TMEM132B: variants seen among roughly 807,000 people sequenced by gnomAD.
TMEM132B encodes the protein transmembrane protein 132B.
A neutral mutation model predicts 90.8 loss-of-function variants in TMEM132B; 18 were observed. The ratio of observed to expected loss-of-function variants is 0.20; its 90% confidence interval spans 0.14 to 0.29. The LOEUF (loss-of-function observed/expected upper bound fraction) is 0.29, where lower values mean the gene tolerates loss of function less well. Among genes scored for constraint, TMEM132B ranks in the 10% least tolerant of loss-of-function variants. TMEM132B has a pLI of 1.00. For missense variants in TMEM132B, 1,096 were observed against 1,326.8 expected, an observed-to-expected ratio of 0.83 and a Z score of 2.70; for synonymous variants, 504 against 523.3, an observed-to-expected ratio of 0.96 and a Z score of 0.50.
chr12:125,302,677 T>C (rs1396993689), intron 1 of TMEM132B, among the ~76,000 whole-genome samples: 2 of 152,230 alleles, frequency 1.3e-5, no homozygotes, highest in Admixed American at 1.3e-4. Context: ...TTTTGTAATA[T>C]ACATAAAATT....
intron 1 of TMEM132B, among the ~76,000 whole-genome samples, chr12:125,268,877 C>T (rs1874756698): frequency 6.6e-6 from 1 of 152,172 alleles, no homozygotes; most frequent in Non-Finnish European, 1.5e-5. Flanking sequence ...CAGCTGGGGG[C>T]TAGAATCAGC....
At chr12:125,218,303 TA>T (rs941425982) in intron 1 of TMEM132B, among the ~76,000 whole-genome samples, 3 of 151,916 alleles carry the variant, frequency 2.0e-5, no homozygotes, top group Non-Finnish European at 2.9e-5. Flanking sequence ...AAAAATATTT[TA>T]AAAGAAAAAA....
At chr12:125,344,350 G>A (rs1186426628) in intron 1 of TMEM132B, among the ~76,000 whole-genome samples, 1 of 152,214 alleles carries the variant, frequency 6.6e-6, no homozygotes, top group Non-Finnish European at 1.5e-5. Flanking sequence ...AGTACCATCT[G>A]GGGATGGTAA....
chr12:125,488,540 A>G (rs1222113616), intron 3 of TMEM132B, among the ~76,000 whole-genome samples: 1 of 152,124 alleles, frequency 6.6e-6, no homozygotes, highest in East Asian at 1.9e-4. Flanking sequence ...GGTTTTAAAA[A>G]TGGGAACTGC....
intron 4 of TMEM132B, among the ~76,000 whole-genome samples, chr12:125,574,602 G>A (rs1884888861): frequency 1.3e-5 from 2 of 152,106 alleles, no homozygotes; most frequent in African/African-American, 4.8e-5. Context: ...AAGAGGAAAG[G>A]AGAGACTGTC....
chr12:125,364,100 G>A (rs1315620740), intron 2 of TMEM132B, among the ~76,000 whole-genome samples: 1 of 152,092 alleles, frequency 6.6e-6, no homozygotes, highest in Non-Finnish European at 1.5e-5. Flanking sequence ...ATTCCTGTTT[G>A]GTCATGCATA....
chr12:125,540,687 ACCAGCATCT>A (rs1335922594), intron 4 of TMEM132B, among the ~76,000 whole-genome samples: 2 of 152,236 alleles, frequency 1.3e-5, no homozygotes, highest in Non-Finnish European at 2.9e-5. Flanking sequence ...ACTCAAGTCC[ACCAGCATCT>A]CTTGCCTGGT....
chr12:125,544,572 G>A (rs1012545329), intron 4 of TMEM132B, among the ~76,000 whole-genome samples: 15 of 152,042 alleles, frequency 9.9e-5, no homozygotes, highest in African/African-American at 3.4e-4. Context: ...TCAGTAGAAG[G>A]GAAAATGGGT....
intron 1 of TMEM132B, among the ~76,000 whole-genome samples, chr12:125,321,990 A>G (rs1190471771): frequency 6.6e-6 from 1 of 152,250 alleles, no homozygotes; most frequent in Non-Finnish European, 1.5e-5. Flanking sequence ...CAACCTACTG[A>G]TAAATATAAT....
At chr12:125,295,460 G>GC (rs1412747371) in intron 1 of TMEM132B, among the ~76,000 whole-genome samples, 7 of 113,712 alleles carry the variant, frequency 6.2e-5, no homozygotes, top group Non-Finnish European at 1.3e-4. Flanking sequence ...ACTCTGGGAA[G>GC]TGTGGGTCAC....
At chr12:125,651,251 C>T (rs1355138048) in intron 7 of TMEM132B, among the ~76,000 whole-genome samples, 1 of 152,104 alleles carries the variant, frequency 6.6e-6, no homozygotes, top group Non-Finnish European at 1.5e-5. Flanking sequence ...TAATCTTTTC[C>T]CCAACATCAT....
chr12:125,474,455 G>A (rs573605188), intron 3 of TMEM132B, among the ~76,000 whole-genome samples: 10 of 152,070 alleles, frequency 6.6e-5, no homozygotes, highest in African/African-American at 2.4e-4. Context: ...CAGCACACCT[G>A]GCAAATATTT....
rs181479472 is a variant in TMEM132B, at chr12:125,428,343, G to A, written c.1106+12666G>A. Reference sequence around the variant, plus strand: ...TTGTGTTGGTATTTTTTAGAAACCCGGGCCTCTCCATGAAATCATTTTATT... The same window carrying A: ...TTGTGTTGGTATTTTTTAGAAACCCAGGCCTCTCCATGAAATCATTTTATT... On this transcript the variant is annotated intron_variant, in intron 3 of 8. Transcript: ENST00000682704. Among the ~76,000 whole-genome samples, 346 of 151,994 alleles carry A rather than the reference G, an allele frequency of 2.3e-3. 2 individuals carry two copies. The highest frequency in any genetic ancestry group is 7.7e-3 in the African/African-American group (320 of 41,426).
At chr12:125,555,176 GT>G (rs1447320977) in intron 4 of TMEM132B, among the ~76,000 whole-genome samples, 1 of 152,146 alleles carries the variant, frequency 6.6e-6, no homozygotes, top group Non-Finnish European at 1.5e-5. Flanking sequence ...AAATTGAACT[GT>G]TTTGTTTGGG....
rs935150422 is a variant in TMEM132B, at chr12:125,656,133, G to A, written c.*1423G>A. 1 of 152,148 alleles carries A rather than the reference G, an allele frequency of 6.6e-6. No homozygotes were observed. Among genetic ancestry groups the A allele is most frequent in the Non-Finnish European group, 1.5e-5 (1 of 68,028 alleles). 9.4% of individuals were successfully genotyped at this position (152,148 alleles called of 1,614,324 possible). On this transcript the variant is annotated 3_prime_UTR_variant, in exon 9 of 9. Transcript: ENST00000682704. ...TTAATAGCATCATGAATGGTCTTAA[G>A]GCAAAAATTTCAGATTAGCAAAATG...
chr12:125,299,427 C>G (rs1241166959), intron 1 of TMEM132B, among the ~76,000 whole-genome samples: 2 of 152,210 alleles, frequency 1.3e-5, no homozygotes, highest in Admixed American at 6.5e-5. Flanking sequence ...GATCCAGGAC[C>G]TGGTCCTCCA....
At chr12:125,353,449 T>C (rs1313165067) in intron 2 of TMEM132B, among the ~76,000 whole-genome samples, 1 of 152,172 alleles carries the variant, frequency 6.6e-6, no homozygotes, top group Non-Finnish European at 1.5e-5. Context: ...AGCAAAGCCT[T>C]GGAGTCTGGC....
At chr12:125,616,963 A>G (rs895619655) in intron 5 of TMEM132B, among the ~76,000 whole-genome samples, 2 of 152,234 alleles carry the variant, frequency 1.3e-5, no homozygotes, top group African/African-American at 2.4e-5. Flanking sequence ...GTGGTCATCC[A>G]CTAATAACCA....
rs193245990 is a variant in TMEM132B, at chr12:125,516,835, C to T, written c.1107-2604C>T. ...CTAGTTCTGGTTACAAAGCACAGTGCGGCCCAAAGAGAAATTGAAAATTTG... is the reference window on the plus strand; with the variant it reads ...CTAGTTCTGGTTACAAAGCACAGTGTGGCCCAAAGAGAAATTGAAAATTTG... On this transcript the variant is annotated intron_variant, in intron 3 of 8. Coordinates refer to ENST00000682704, the MANE Select transcript of TMEM132B (RefSeq NM_001366854.1). Among the ~76,000 whole-genome samples, 383 of 152,282 alleles carry T rather than the reference C, an allele frequency of 2.5e-3. 2 individuals carry two copies. The highest frequency in any genetic ancestry group is 8.6e-3 in the African/African-American group (357 of 41,554).
Sources: allele counts gnomAD v4.1 joint callset (sites outside exome capture counted in the v4.1 genomes callset), GRCh38; gene constraint gnomAD v4.1.1; transcripts MANE v1.5; gene names NCBI Gene and HGNC (gene_info 2026-07-23, HGNC 2026-07-21).